MEF2C: variants seen among roughly 807,000 people sequenced by gnomAD.
MEF2C encodes the protein myocyte enhancer factor 2C.
MEF2C carries 6 observed loss-of-function variants against 50.5 expected under a neutral mutation model. That is an observed-to-expected ratio of 0.12 (90% CI 0.07 to 0.23). The LOEUF (loss-of-function observed/expected upper bound fraction) is 0.23. MEF2C is among the 10% of genes least tolerant of loss of function. The pLI, the probability that MEF2C is intolerant of heterozygous loss-of-function variation, is 1.00. For missense variants in MEF2C, 276 were observed against 605.0 expected (o/e 0.46, Z 5.70); for synonymous variants, 183 against 228.0 (o/e 0.80, Z 1.78).
At position 88,720,875 on chromosome 5, in the gene MEF2C, T is replaced by C. The variant is rs1398910849; in HGVS notation, c.*1729A>G. On this transcript the variant is annotated 3_prime_UTR_variant, in exon 11 of 11. Transcript: ENST00000504921. Reference sequence around the variant, plus strand: ...TTAAATCTCTTTATTGAAGAAAAAATAGATGACATACATGCTTTATGCAGA... The same window carrying C: ...TTAAATCTCTTTATTGAAGAAAAAACAGATGACATACATGCTTTATGCAGA... The C allele has an allele frequency of 6.6e-6, 1 of 152,472 alleles. No individual in the cohort carries two copies. The highest frequency in any genetic ancestry group is 1.5e-5 in the Non-Finnish European group (1 of 67,988). The allele number at this position is 152,472 out of a possible 1,614,324, so 9.4% of individuals were successfully genotyped here. A position where few individuals can be genotyped will look rare whatever the true frequency, so the allele number is the denominator to read the frequency against.
At chr5:88,735,890 A>G in intron 6 of MEF2C, 4 of 985,344 alleles carry the variant, frequency 4.1e-6, no homozygotes, top group Non-Finnish European at 4.8e-6. Context: ...ACTTTCTTTT[A>G]TTTGGATGTT....
chr5:88,743,813 C>A, intron 6 of MEF2C: 1 of 984,938 alleles, frequency 1.0e-6, no homozygotes, highest in Non-Finnish European at 1.2e-6. Context: ...TGCTTGATAA[C>A]CAAATGCATA....
intron 3 of MEF2C, among the ~76,000 whole-genome samples, chr5:88,763,341 A>G (rs1439099153): frequency 6.6e-6 from 1 of 152,204 alleles, no homozygotes; most frequent in Non-Finnish European, 1.5e-5. Context: ...CAGTAATACT[A>G]TAAAGAACAT....
At chr5:88,894,948 T>C (rs963796694) in intron 1 of MEF2C, among the ~76,000 whole-genome samples, 1 of 152,218 alleles carries the variant, frequency 6.6e-6, no homozygotes, top group South Asian at 2.1e-4. Flanking sequence ...CTTAATTTTC[T>C]AAATGCCCTT....
rs142683831 is a variant in MEF2C at position 88,787,148 on chromosome 5, T to A, written c.258+17450A>T. Among the ~76,000 whole-genome samples, 9 of 152,154 alleles carry A rather than the reference T, an allele frequency of 5.9e-5. No individual in the cohort carries two copies. In the East Asian group the frequency reaches 1.7e-3, roughly 29 times the overall value. ...ATACTTGTGGAAAAGAAAAAAAAAATCAATTCGTTGACCTTTGTTAGATCT... is the reference window on the plus strand; with the variant it reads ...ATACTTGTGGAAAAGAAAAAAAAAAACAATTCGTTGACCTTTGTTAGATCT... On this transcript the variant is annotated intron_variant, in intron 3 of 10. Transcript: ENST00000504921.
chr5:88,900,220 T>C (rs1835502098), intron 1 of MEF2C, among the ~76,000 whole-genome samples: 1 of 151,814 alleles, frequency 6.6e-6, no homozygotes, highest in Admixed American at 6.6e-5. Context: ...ATCAACAAAT[T>C]ATATAAATAG....
chr5:88,826,824 C>G (rs1811073453), intron 1 of MEF2C, among the ~76,000 whole-genome samples: 1 of 151,626 alleles, frequency 6.6e-6, no homozygotes, highest in Non-Finnish European at 1.5e-5. Context: ...TAAAATAATT[C>G]CAACAGCCTT....
chr5:88,825,481 C>T, intron 1 of MEF2C: 1 of 983,626 alleles, frequency 1.0e-6, no homozygotes, highest in South Asian at 4.7e-5. Context: ...ATTGCTCCAG[C>T]TGTAATTTTA....
At chr5:88,801,390 G>T (rs897426919) in intron 3 of MEF2C, among the ~76,000 whole-genome samples, 1 of 152,040 alleles carries the variant, frequency 6.6e-6, no homozygotes. Context: ...TTCTAAGAAC[G>T]AATTCAAATC....
intron 1 of MEF2C, among the ~76,000 whole-genome samples, chr5:88,828,029 T>A (rs559633070): frequency 1.5e-3 from 227 of 152,072 alleles, no homozygotes; most frequent in African/African-American, 5.3e-3. Context: ...AAACTCTGCA[T>A]CTATAGTGAA....
intron 1 of MEF2C, among the ~76,000 whole-genome samples, chr5:88,878,906 G>A (rs1436249343): frequency 1.3e-5 from 2 of 151,954 alleles, no homozygotes; most frequent in African/African-American, 4.8e-5. Flanking sequence ...CTTGAAATAA[G>A]AGTGAATATA....
intron 1 of MEF2C, among the ~76,000 whole-genome samples, chr5:88,860,323 C>CT (rs1186551762): frequency 0.031 from 4,386 of 140,724 alleles, 70 homozygotes; most frequent in Admixed American, 0.04. Flanking sequence ...TATTTGTATG[C>CT]TTTTTTTTTT....
At chr5:88,803,630 G>T (rs1324726041) in intron 3 of MEF2C, among the ~76,000 whole-genome samples, 1 of 152,104 alleles carries the variant, frequency 6.6e-6, no homozygotes, top group Non-Finnish European at 1.5e-5. Context: ...AGGCAGATGG[G>T]AACCATCCTT....
At chr5:88,819,466 G>T in intron 2 of MEF2C, 1 of 781,652 alleles carries the variant, frequency 1.3e-6, no homozygotes, top group Non-Finnish European at 1.6e-6. Flanking sequence ...CCAGGCTTAA[G>T]TCCCACTGAT....
At chr5:88,729,437 T>C in intron 8 of MEF2C, 90 bp from the exon 9 acceptor site, 1 of 1,172,804 alleles carries the variant, frequency 8.5e-7, no homozygotes, top group Non-Finnish European at 1.2e-6. Flanking sequence ...CATAAAGAGA[T>C]AACTTGGTAC....
intron 3 of MEF2C, among the ~76,000 whole-genome samples, chr5:88,781,056 G>C (rs1013084538): frequency 6.6e-6 from 1 of 152,032 alleles, no homozygotes. Context: ...GGACTTAATA[G>C]AATTACTTTT....
chr5:88,769,704 G>T (rs1156579903), intron 3 of MEF2C, among the ~76,000 whole-genome samples: 1 of 152,186 alleles, frequency 6.6e-6, no homozygotes, highest in Non-Finnish European at 1.5e-5. Context: ...GAGTGCAGCG[G>T]CATGATCTCA....
At chr5:88,726,937 T>C (rs548731775) in intron 10 of MEF2C, among the ~76,000 whole-genome samples, 69 of 152,268 alleles carry the variant, frequency 4.5e-4, no homozygotes, top group African/African-American at 1.7e-3. Flanking sequence ...GCTTTTGACA[T>C]TGATAACTTT....
intron 1 of MEF2C, among the ~76,000 whole-genome samples, chr5:88,827,962 T>C (rs920112191): frequency 6.6e-6 from 1 of 151,584 alleles, no homozygotes; most frequent in Non-Finnish European, 1.5e-5. Flanking sequence ...CTTATGGTTA[T>C]TGAGTTTCTC....
Sources: gnomAD v4.1 joint callset for allele counts (sites outside exome capture counted in the v4.1 genomes callset) on GRCh38, gnomAD v4.1.1 for gene constraint, MANE v1.5 for transcripts, NCBI Gene and HGNC (gene_info 2026-07-23, HGNC 2026-07-21) for gene names.